NEK11: variants seen among roughly 807,000 people sequenced by gnomAD.
The protein encoded by NEK11 is NIMA related kinase 11, also known as serine/threonine-protein kinase Nek11.
NEK11 carries 72 observed loss-of-function variants against 80.7 expected under a neutral mutation model. That is an observed-to-expected ratio of 0.89 (90% CI 0.74 to 1.08). The LOEUF (loss-of-function observed/expected upper bound fraction) is 1.08. Ranked by LOEUF, NEK11 falls within the 50% of genes least tolerant of loss-of-function variation. The probability of loss-of-function intolerance (pLI) is 0.00; values close to 1 mark genes in which losing one functional copy is unlikely to be tolerated. For synonymous variants in NEK11, 251 were observed against 260.7 expected (o/e 0.96, Z 0.36); for missense variants, 764 against 763.6 (o/e 1.00, Z -0.01).
intron 17 of NEK11, among the ~76,000 whole-genome samples, chr3:131,331,745 C>A (rs1440977733): frequency 1.3e-5 from 2 of 152,192 alleles, no homozygotes; most frequent in Non-Finnish European, 2.9e-5. Flanking sequence ...CCTGGAAAAT[C>A]GGGTCACTCC....
chr3:131,244,118 G>A (rs1213259182), intron 16 of NEK11, among the ~76,000 whole-genome samples: 1 of 151,360 alleles, frequency 6.6e-6, no homozygotes, highest in Non-Finnish European at 1.5e-5. Flanking sequence ...TTCTAAATTT[G>A]ATTACAAGTT....
chr3:131,230,421 C>T (rs1052065819), intron 15 of NEK11, among the ~76,000 whole-genome samples: 4 of 152,084 alleles, frequency 2.6e-5, no homozygotes, highest in African/African-American at 9.7e-5. Context: ...TGGTTTCTAC[C>T]TCACAGAGTG....
chr3:131,197,641 G>A (rs986654148), intron 14 of NEK11, among the ~76,000 whole-genome samples: 3 of 152,094 alleles, frequency 2.0e-5, no homozygotes, highest in African/African-American at 7.2e-5. Context: ...GGAAGGTTAG[G>A]TGAAGGGTTT....
intron 17 of NEK11, among the ~76,000 whole-genome samples, chr3:131,347,343 T>C (rs2097378153): frequency 6.6e-6 from 1 of 152,344 alleles, no homozygotes; most frequent in East Asian, 1.9e-4. Flanking sequence ...AAATAATGAA[T>C]GCAAAAGCAC....
intron 16 of NEK11, among the ~76,000 whole-genome samples, chr3:131,268,922 TC>T (rs1165369169): frequency 1.3e-5 from 2 of 152,290 alleles, no homozygotes; most frequent in Non-Finnish European, 2.9e-5. Context: ...TTATCTTTAA[TC>T]CCCTGACTGG....
chr3:131,179,946 A>C (rs527322584), intron 14 of NEK11, among the ~76,000 whole-genome samples: 2 of 152,212 alleles, frequency 1.3e-5, no homozygotes, highest in African/African-American at 4.8e-5. Context: ...TAACAAATAC[A>C]CCTATTGACC....
At chr3:131,248,896 T>C (rs555703028) in intron 16 of NEK11, among the ~76,000 whole-genome samples, 1 of 152,286 alleles carries the variant, frequency 6.6e-6, no homozygotes, top group South Asian at 2.1e-4. Flanking sequence ...TTATCTGTTT[T>C]ATAAATTGAA....
At chr3:131,175,875 G>A (rs1405452026) in intron 14 of NEK11, among the ~76,000 whole-genome samples, 7 of 152,210 alleles carry the variant, frequency 4.6e-5, no homozygotes, top group Admixed American at 3.9e-4. Context: ...TGTGAGTGAA[G>A]TCATGGAGAT....
Position 131,167,054 on chromosome 3 carries a change from G to C in NEK11, c.1176+1535G>C, listed in dbSNP as rs139216143. Among the ~76,000 whole-genome samples, 1,480 of 152,312 alleles carry C rather than the reference G, an allele frequency of 9.7e-3. 32 individuals are homozygous for C. The highest frequency in any genetic ancestry group is 0.034 in the African/African-American group (1,406 of 41,554). ...AATGTGTAAAGTACTTGTTTATTCA[G>C]CTATAGAAATGGGGACATACTTTTC... is the stretch of plus-strand genomic sequence containing the variant. On this transcript the variant is annotated intron_variant, in intron 12 of 17. Coordinates refer to ENST00000383366, the MANE Select transcript of NEK11 (RefSeq NM_024800.5).
At chr3:131,033,045 T>G (rs974527338) in intron 3 of NEK11, among the ~76,000 whole-genome samples, 1 of 152,212 alleles carries the variant, frequency 6.6e-6, no homozygotes, top group Admixed American at 6.5e-5. Flanking sequence ...TGTCTTGAGA[T>G]TGTAACAATT....
intron 17 of NEK11, among the ~76,000 whole-genome samples, chr3:131,319,841 C>T (rs1345936790): frequency 6.6e-6 from 1 of 151,962 alleles, no homozygotes; most frequent in Non-Finnish European, 1.5e-5. Context: ...GGTTATCTAG[C>T]CTCTGAAAAC....
intron 15 of NEK11, among the ~76,000 whole-genome samples, chr3:131,234,683 C>T (rs2095399389): frequency 6.6e-6 from 1 of 152,066 alleles, no homozygotes; most frequent in Non-Finnish European, 1.5e-5. Flanking sequence ...CTCTCTCTCC[C>T]ATTTCTTGTC....
chr3:131,137,459 T>G (rs2085838128), intron 7 of NEK11, among the ~76,000 whole-genome samples: 1 of 152,024 alleles, frequency 6.6e-6, no homozygotes, highest in African/African-American at 2.4e-5. Flanking sequence ...TCCCTCCTGG[T>G]GAAGAAAGCT....
chr3:131,286,665 T>C (rs150659461), intron 17 of NEK11, among the ~76,000 whole-genome samples: 8 of 152,224 alleles, frequency 5.3e-5, no homozygotes, highest in Non-Finnish European at 1.2e-4. Flanking sequence ...TTTTGCCTAA[T>C]AGTTTTCAAA....
chr3:131,342,807 T>C (rs905527896), intron 17 of NEK11, among the ~76,000 whole-genome samples: 1 of 152,116 alleles, frequency 6.6e-6, no homozygotes, highest in African/African-American at 2.4e-5. Context: ...ACCGAAGACA[T>C]AGAAAATTTA....
intron 3 of NEK11, among the ~76,000 whole-genome samples, chr3:131,061,883 C>T (rs901744156): frequency 7.9e-5 from 12 of 152,208 alleles, no homozygotes; most frequent in African/African-American, 2.9e-4. Context: ...CTGCTACCAC[C>T]ACAGTGGCCT....
At position 131,243,482 on chromosome 3, in the gene NEK11, G is replaced by T. The variant is rs755820840; in HGVS notation, c.1607G>T (p.Gly536Val). 5.0e-6 allele frequency: 8 copies of T among 1,612,580 alleles called. No individual in the cohort carries two copies. Among genetic ancestry groups the T allele is most frequent in the Admixed American group, 3.3e-5 (2 of 59,860 alleles). The stretch of plus-strand genomic sequence containing the variant: ...GCCAGGTGTTTGGAAAATGTCCTGG[G>T]TTGCACTTCTCTAGGTGAGTAAGTT... ...ALARCLENVL[G>V]CTSLDTKTIT... is the part of the protein sequence containing the mutation. The change falls in exon 16 of 18, where the codon GGT becomes GTT. Residue 536 changes from glycine to valine, a missense_variant. Transcript: ENST00000383366.
Position 131,091,685 on chromosome 3 carries a change from C to T in NEK11, c.336+11097C>T, listed in dbSNP as rs971790763. Among the ~76,000 whole-genome samples, 3 of 152,130 alleles carry T rather than the reference C, an allele frequency of 2.0e-5. No homozygotes were observed. The East Asian group carries it at 5.8e-4, about 29-fold the overall frequency. ...CAGCATTGCAGTTTGGGGATAAATT[C>T]CTGAAAGGAATGCTATTTTAATGCA... On this transcript the variant is annotated intron_variant, in intron 4 of 17. Coordinates refer to ENST00000383366, the MANE Select transcript of NEK11 (RefSeq NM_024800.5).
chr3:131,193,817 C>A (rs979680885), intron 14 of NEK11, among the ~76,000 whole-genome samples: 14 of 152,118 alleles, frequency 9.2e-5, no homozygotes, highest in African/African-American at 3.4e-4. Context: ...AAATATTTCT[C>A]CCAAGAGTTT....
Sources: allele counts gnomAD v4.1 joint callset (sites outside exome capture counted in the v4.1 genomes callset), GRCh38; gene constraint gnomAD v4.1.1; transcripts MANE v1.5; gene names NCBI Gene and HGNC (gene_info 2026-07-23, HGNC 2026-07-21).